PRKAR1A: variants seen among roughly 807,000 people sequenced by gnomAD.
PRKAR1A encodes protein kinase cAMP-dependent type I regulatory subunit alpha.
A neutral mutation model predicts 52.0 loss-of-function variants in PRKAR1A; 3 were observed. That is an observed-to-expected ratio of 0.06 (90% confidence interval 0.03 to 0.15). The LOEUF (loss-of-function observed/expected upper bound fraction) is 0.15, where lower values mean the gene tolerates loss of function less well. PRKAR1A is among the 10% of genes least tolerant of loss of function. PRKAR1A has a pLI of 1.00. For missense variants in PRKAR1A, 240 were observed against 477.4 expected, an observed-to-expected ratio of 0.50 and a Z score of 4.63; for synonymous variants, 188 against 168.4, an observed-to-expected ratio of 1.12 and a Z score of -0.90.
upstream of PRKAR1A, among the ~76,000 whole-genome samples, chr17:68,510,474 C>T (rs770444765): frequency 6.6e-5 from 10 of 152,090 alleles, no homozygotes; most frequent in Non-Finnish European, 1.2e-4. Context: ...CTTTTATGAC[C>T]GAGGAAACGG....
chr17:68,549,088 A>C (rs1208583051), intron 11 of PRKAR1A, among the ~76,000 whole-genome samples: 6 of 152,092 alleles, frequency 3.9e-5, no homozygotes, highest in Non-Finnish European at 8.8e-5. Flanking sequence ...GAGTTATGTT[A>C]ATTTATTTTC....
At chr17:68,458,586 T>C in the PRKAR1A span, among the ~76,000 whole-genome samples, 2 of 152,164 alleles carry the variant, frequency 1.3e-5, no homozygotes, top group Non-Finnish European at 2.9e-5. Context: ...GGCAGTGTAG[T>C]TTATGAAAGG....
chr17:68,481,599 A>T, the PRKAR1A span, among the ~76,000 whole-genome samples: 1 of 152,232 alleles, frequency 6.6e-6, no homozygotes, highest in Non-Finnish European at 1.5e-5. Context: ...TCTGTAGCCC[A>T]GGGTTGGGTA....
chr17:68,434,608 A>G, the PRKAR1A span: 1 of 1,614,054 alleles, frequency 6.2e-7, no homozygotes, highest in Non-Finnish European at 8.5e-7. Context: ...GGGACAGAGA[A>G]CACCCGGATG....
At chr17:68,416,088 G>A in the PRKAR1A span, among the ~76,000 whole-genome samples, 219 of 151,984 alleles carry the variant, frequency 1.4e-3, no homozygotes, top group Non-Finnish European at 2.8e-3. Flanking sequence ...TGGTTTTTTT[G>A]TTTTTGCTTT....
upstream of PRKAR1A, among the ~76,000 whole-genome samples, chr17:68,507,797 G>T (rs572729146): frequency 6.6e-6 from 1 of 151,974 alleles, no homozygotes; most frequent in Non-Finnish European, 1.5e-5. Flanking sequence ...TTTAAAAACA[G>T]CTTAGGCCTA....
At chr17:68,457,589 C>A in the PRKAR1A span, 2 of 387,804 alleles carry the variant, frequency 5.2e-6, no homozygotes, top group Non-Finnish European at 8.2e-6. Context: ...CTACCCCGCC[C>A]CGTCCCCGCC....
the PRKAR1A span, among the ~76,000 whole-genome samples, chr17:68,485,608 G>C: frequency 6.6e-6 from 1 of 152,128 alleles, no homozygotes; most frequent in Non-Finnish European, 1.5e-5. Flanking sequence ...TACATCCAAA[G>C]CTTTTGGAGA....
chr17:68,422,032 T>C, the PRKAR1A span: 2 of 596,020 alleles, frequency 3.4e-6, no homozygotes, highest in Non-Finnish European at 6.0e-6. Context: ...ATACTGACTA[T>C]AAAAATGTCT....
the PRKAR1A span, among the ~76,000 whole-genome samples, chr17:68,499,804 C>A: frequency 1.3e-5 from 2 of 152,200 alleles, no homozygotes; most frequent in Non-Finnish European, 2.9e-5. Flanking sequence ...GGCTGCCACC[C>A]CAGCCAGTGG....
rs759286129 is a variant in PRKAR1A, at chr17:68,540,813, C to T, written c.974-10271C>T. On this transcript the variant is annotated intron_variant, in intron 11 of 11. Transcript: ENST00000585981. Reference sequence around the variant, plus strand: ...GGGGAACCCTAGCCACATAGCAGAGCCCACTTCTGCTGGGGGCCTGCGTGT... The same window carrying T: ...GGGGAACCCTAGCCACATAGCAGAGTCCACTTCTGCTGGGGGCCTGCGTGT... 34 of 1,566,394 alleles carry T rather than the reference C, an allele frequency of 2.2e-5. 1 individual carries two copies. The African/African-American group carries it at 2.4e-4, about 11-fold the overall frequency.
chr17:68,517,221 G>A (rs1326032542), intron 2 of PRKAR1A, among the ~76,000 whole-genome samples: 1 of 152,162 alleles, frequency 6.6e-6, no homozygotes, highest in Non-Finnish European at 1.5e-5. Context: ...TTGTTCACAT[G>A]TATACATTCC....
In PRKAR1A at chr17:68,531,885, T is replaced by G. The variant is rs2085985417; in HGVS notation, c.*1436T>G. 1 of 1,046,300 alleles carries G rather than the reference T, an allele frequency of 9.6e-7. No homozygotes were observed. The highest frequency in any genetic ancestry group is 1.7e-5 in the African/African-American group (1 of 60,604). 64.8% of individuals were successfully genotyped at this position (1,046,300 alleles called of 1,614,324 possible). On this transcript the variant is annotated 3_prime_UTR_variant, in exon 11 of 11. Transcript: ENST00000589228. ...ACTTTTATTTTCATTGTGATTTATA[T>G]ATAAGGTAATGTAGGGTTATATTTG...
At chr17:68,416,446 C>T in the PRKAR1A span, among the ~76,000 whole-genome samples, 2,560 of 152,106 alleles carry the variant, frequency 0.017, 81 homozygotes, top group African/African-American at 0.059. Context: ...TTATAGGTTA[C>T]CTGGTGATGT....
chr17:68,462,400 C>G, the PRKAR1A span, among the ~76,000 whole-genome samples: 1 of 152,198 alleles, frequency 6.6e-6, no homozygotes, highest in Non-Finnish European at 1.5e-5. Context: ...CATCTTCGCA[C>G]TGGTCAAGAA....
downstream of PRKAR1A, chr17:68,536,656 G>A (rs1216657274): frequency 2.2e-6 from 1 of 452,758 alleles, no homozygotes; most frequent in South Asian, 1.6e-5. Context: ...AGTCAGCCTT[G>A]GCTCTTTTCC....
At chr17:68,507,748 T>C (rs1272981315), upstream of PRKAR1A, among the ~76,000 whole-genome samples, 1 of 152,186 alleles carries the variant, frequency 6.6e-6, no homozygotes, top group African/African-American at 2.4e-5. Context: ...TCATCCCTAT[T>C]TTTTAAAGCC....
the PRKAR1A span, among the ~76,000 whole-genome samples, chr17:68,417,818 G>GCTCGCTGCAAC: frequency 7.9e-6 from 1 of 126,614 alleles, no homozygotes; most frequent in Admixed American, 1.1e-4. Flanking sequence ...CACGATCTCG[G>GCTCGCTGCAAC]CTCCCAGGTT....
At chr17:68,503,440 A>T in the PRKAR1A span, among the ~76,000 whole-genome samples, 6 of 152,238 alleles carry the variant, frequency 3.9e-5, no homozygotes, top group Non-Finnish European at 8.8e-5. Flanking sequence ...TTGGAAGCAA[A>T]CGAGATGTCC....
Sources: gnomAD v4.1 joint callset for allele counts (sites outside exome capture counted in the v4.1 genomes callset) on GRCh38, gnomAD v4.1.1 for gene constraint, MANE v1.5 for transcripts, NCBI Gene and HGNC (gene_info 2026-07-23, HGNC 2026-07-21) for gene names.